The following AGBL4 variants were observed in gnomAD, a reference collection of about 807,000 sequenced individuals.
AGBL4 encodes cytosolic carboxypeptidase 6.
A neutral mutation model predicts 66.4 loss-of-function variants in AGBL4; 58 were observed. That is an observed-to-expected ratio of 0.87 (90% CI 0.71 to 1.09). AGBL4 has a LOEUF of 1.09. Ranked by LOEUF, AGBL4 falls within the 50% of genes least tolerant of loss-of-function variation. The pLI is 0.00. For missense variants in AGBL4, 579 were observed against 631.0 expected (o/e 0.92, Z 0.88); for synonymous variants, 234 against 222.9 (o/e 1.05, Z -0.44).
chr1:49,517,000 T>C (rs1364466425), intron 3 of AGBL4, among the ~76,000 whole-genome samples: 1 of 151,958 alleles, frequency 6.6e-6, no homozygotes, highest in Non-Finnish European at 1.5e-5. Flanking sequence ...CAGATTCCGT[T>C]TACATTATTC....
intron 5 of AGBL4, among the ~76,000 whole-genome samples, chr1:49,043,386 T>C (rs1331619886): frequency 6.6e-6 from 1 of 152,098 alleles, no homozygotes; most frequent in Non-Finnish European, 1.5e-5. Context: ...CTCTATGGGA[T>C]TATCTTAGGC....
intron 2 of AGBL4, among the ~76,000 whole-genome samples, chr1:49,768,653 A>G (rs1643963353): frequency 6.6e-6 from 1 of 152,106 alleles, no homozygotes; most frequent in Admixed American, 6.6e-5. Context: ...CCTATTCAAC[A>G]TATTACCGGA....
chr1:49,722,576 T>C (rs947459917), intron 2 of AGBL4, among the ~76,000 whole-genome samples: 7 of 152,134 alleles, frequency 4.6e-5, no homozygotes, highest in African/African-American at 1.7e-4. Context: ...CAATAGGGAT[T>C]TGAAGGTTGA....
intron 1 of AGBL4, among the ~76,000 whole-genome samples, chr1:49,889,117 A>G (rs776588376): frequency 2.1e-4 from 32 of 152,238 alleles, no homozygotes; most frequent in Non-Finnish European, 3.8e-4. Context: ...AACTCATCGG[A>G]AAGACCTCGT....
intron 5 of AGBL4, among the ~76,000 whole-genome samples, chr1:48,929,490 T>C (rs1307310902): frequency 6.6e-6 from 1 of 152,188 alleles, no homozygotes; most frequent in Admixed American, 6.5e-5. Context: ...CTCAGGAGTG[T>C]AACCTTTGAA....
At chr1:49,650,641 T>C (rs138606062) in intron 3 of AGBL4, among the ~76,000 whole-genome samples, 1 of 152,156 alleles carries the variant, frequency 6.6e-6, no homozygotes, top group Non-Finnish European at 1.5e-5. Context: ...TACCACAGAC[T>C]CTTCTCTGAC....
chr1:48,546,439 G>T (rs1178147233), intron 11 of AGBL4, among the ~76,000 whole-genome samples: 1 of 152,162 alleles, frequency 6.6e-6, no homozygotes, highest in Non-Finnish European at 1.5e-5. Context: ...AGATTTGAAG[G>T]ACAAAGACCG....
intron 4 of AGBL4, among the ~76,000 whole-genome samples, chr1:49,066,678 A>C (rs1644498133): frequency 6.6e-6 from 1 of 152,226 alleles, no homozygotes. Flanking sequence ...TTTCTGGCTA[A>C]GTTTTAATCA....
intron 4 of AGBL4, among the ~76,000 whole-genome samples, chr1:49,131,358 A>G (rs1003548550): frequency 6.6e-6 from 1 of 152,056 alleles, no homozygotes; most frequent in Non-Finnish European, 1.5e-5. Flanking sequence ...GTTGATCACT[A>G]CCCTTAAAAG....
At position 49,080,862 on chromosome 1, in the gene AGBL4, T is replaced by A. The variant is rs138271243; in HGVS notation, c.378-35062A>T. On this transcript the variant is annotated intron_variant, in intron 4 of 13. Coordinates refer to ENST00000371839, the MANE Select transcript of AGBL4 (RefSeq NM_032785.4). Reference sequence around the variant, plus strand: ...AATAAAAATTATGTGGTTTTTCATATCAACTTTTCTGAAAATTCCTTTTTG... The same window carrying A: ...AATAAAAATTATGTGGTTTTTCATAACAACTTTTCTGAAAATTCCTTTTTG... Among the ~76,000 whole-genome samples, 567 of 152,332 alleles carry A rather than the reference T, an allele frequency of 3.7e-3. 3 individuals are homozygous for A. The highest frequency in any genetic ancestry group is 0.013 in the African/African-American group (529 of 41,580).
At chr1:49,178,846 T>C (rs1419077894) in intron 4 of AGBL4, among the ~76,000 whole-genome samples, 1 of 152,198 alleles carries the variant, frequency 6.6e-6, no homozygotes, top group Non-Finnish European at 1.5e-5. Context: ...ATATAATCTT[T>C]AATTAGTCTT....
intron 6 of AGBL4, among the ~76,000 whole-genome samples, chr1:48,671,636 T>C (rs1223431905): frequency 2.6e-5 from 4 of 152,236 alleles, no homozygotes; most frequent in African/African-American, 9.6e-5. Flanking sequence ...TGTATATGAC[T>C]TGATGCATAG....
At chr1:49,899,387 G>A (rs1649543136) in intron 1 of AGBL4, among the ~76,000 whole-genome samples, 1 of 151,680 alleles carries the variant, frequency 6.6e-6, no homozygotes, top group Non-Finnish European at 1.5e-5. Flanking sequence ...GAGTATAACT[G>A]AATTGTTTAT....
intron 1 of AGBL4, among the ~76,000 whole-genome samples, chr1:50,012,109 A>G (rs1661585016): frequency 6.7e-6 from 1 of 148,460 alleles, no homozygotes; most frequent in Non-Finnish European, 1.5e-5. Context: ...CAGTGAGCGG[A>G]GATTGCGCCA....
At chr1:49,344,812 A>G (rs1040937679) in intron 3 of AGBL4, among the ~76,000 whole-genome samples, 9 of 152,190 alleles carry the variant, frequency 5.9e-5, no homozygotes, top group Admixed American at 5.9e-4. Flanking sequence ...TTCATGTAAC[A>G]ATAAAAGATG....
intron 3 of AGBL4, among the ~76,000 whole-genome samples, chr1:49,321,771 G>A (rs891443585): frequency 4.6e-5 from 7 of 152,116 alleles, no homozygotes; most frequent in South Asian, 4.1e-4. Flanking sequence ...TCACTATACC[G>A]AGTTCTCCTT....
chr1:49,811,631 T>A (rs764119027), intron 2 of AGBL4, among the ~76,000 whole-genome samples: 6 of 152,090 alleles, frequency 3.9e-5, no homozygotes, highest in African/African-American at 9.7e-5. Context: ...TTATTAAAAA[T>A]TTTTTTAGAG....
chr1:49,396,342 GTGTGTGTGTGCGTGTGTGTATGAA>G (rs1159056284), intron 3 of AGBL4, among the ~76,000 whole-genome samples: 1 of 150,262 alleles, frequency 6.7e-6, no homozygotes, highest in Non-Finnish European at 1.5e-5. Context: ...GTGTATGAAT[GTGTGTGTGTGCGTGTGTGTATGAA>G]TGTGTGTGTG....
At chr1:48,650,414 C>T (rs113763627) in intron 8 of AGBL4, among the ~76,000 whole-genome samples, 148 of 152,050 alleles carry the variant, frequency 9.7e-4, no homozygotes, top group African/African-American at 3.1e-3. Flanking sequence ...AAGTCTGGCT[C>T]TCTTTACTGC....
Sources: allele counts gnomAD v4.1 joint callset (sites outside exome capture counted in the v4.1 genomes callset), GRCh38; gene constraint gnomAD v4.1.1; transcripts MANE v1.5; gene names NCBI Gene and HGNC (gene_info 2026-07-23, HGNC 2026-07-21).